DDR2: variants seen among roughly 807,000 people sequenced by gnomAD.
DDR2 encodes the protein discoidin domain-containing receptor 2.
DDR2 carries 27 observed loss-of-function variants against 94.9 expected under a neutral mutation model. The observed-to-expected ratio is 0.28, with a 90% CI of 0.21 to 0.39. The LOEUF is 0.39. DDR2 is among the 10% of genes least tolerant of loss of function. The pLI is 1.00. For missense variants in DDR2, 783 were observed against 1,076.0 expected (o/e 0.73, Z 3.81); for synonymous variants, 382 against 377.2 (o/e 1.01, Z -0.15).
chr1:162,646,558 G>T (rs1657417628), intron 1 of DDR2, among the ~76,000 whole-genome samples: 1 of 152,130 alleles, frequency 6.6e-6, no homozygotes, highest in Non-Finnish European at 1.5e-5. Flanking sequence ...AGCGGAATTT[G>T]AACCTATATC....
intron 2 of DDR2, among the ~76,000 whole-genome samples, 194 bp from the exon 3 acceptor site, chr1:162,718,843 T>C (rs189060753): frequency 6.6e-6 from 1 of 152,292 alleles, no homozygotes; most frequent in Admixed American, 6.5e-5. Flanking sequence ...AGTTTGAAAA[T>C]TATTATATTA....
At chr1:162,769,175 T>C (rs1664142527) in intron 11 of DDR2, among the ~76,000 whole-genome samples, 1 of 152,192 alleles carries the variant, frequency 6.6e-6, no homozygotes, top group Admixed American at 6.5e-5. Flanking sequence ...AATGTTGGAA[T>C]CTCCAGGTAA....
At chr1:162,677,981 G>C (rs773483809) in intron 2 of DDR2, among the ~76,000 whole-genome samples, 1 of 151,738 alleles carries the variant, frequency 6.6e-6, no homozygotes, top group Non-Finnish European at 1.5e-5. Context: ...TTTGTACAAG[G>C]GAAGCCATAA....
intron 2 of DDR2, among the ~76,000 whole-genome samples, chr1:162,704,503 T>C (rs1660575056): frequency 2.6e-5 from 4 of 152,204 alleles, no homozygotes; most frequent in Non-Finnish European, 5.9e-5. Flanking sequence ...CCAGTTACCT[T>C]ATAAACAACA....
intron 2 of DDR2, among the ~76,000 whole-genome samples, chr1:162,686,201 T>TA (rs35227599): frequency 2.1e-5 from 1 of 48,368 alleles, no homozygotes; most frequent in Non-Finnish European, 1.1e-4. Flanking sequence ...AATTTTTGTA[T>TA]TTTTTTTTTA....
intron 7 of DDR2, 61 bp downstream of exon 7, chr1:162,755,830 A>T: frequency 7.3e-7 from 1 of 1,365,880 alleles, no homozygotes; most frequent in Non-Finnish European, 1.0e-6. Context: ...ATAATATTTT[A>T]TCATGTCTTG....
At chr1:162,676,176 T>C (rs559835910) in intron 2 of DDR2, among the ~76,000 whole-genome samples, 1 of 151,974 alleles carries the variant, frequency 6.6e-6, no homozygotes, top group South Asian at 2.1e-4. Context: ...TCAAGAATGG[T>C]GTCTAACACT....
In DDR2 at chr1:162,781,249, G is replaced by A. The variant is rs1329616714; in HGVS notation, c.*1003G>A. 1.3e-5 allele frequency: 2 copies of A among 152,144 alleles called. No individual in the cohort carries two copies. The highest frequency in any genetic ancestry group is 2.9e-5 in the Non-Finnish European group (2 of 68,040). 9.4% of individuals were successfully genotyped at this position (152,144 alleles called of 1,614,324 possible). A position where few individuals can be genotyped will look rare whatever the true frequency, so the allele number is the denominator to read the frequency against. Reference sequence around the variant, plus strand: ...CATTTTCAAGGATGAAGCCTCTGTGGGATCTTTGGGCTTGGGGCTGAATTT... The same window carrying A: ...CATTTTCAAGGATGAAGCCTCTGTGAGATCTTTGGGCTTGGGGCTGAATTT... On this transcript the variant is annotated 3_prime_UTR_variant, in exon 18 of 18. Coordinates refer to ENST00000367921, the MANE Select transcript of DDR2 (RefSeq NM_006182.4).
chr1:162,763,915 C>T (rs988263436), intron 9 of DDR2, among the ~76,000 whole-genome samples: 1 of 152,108 alleles, frequency 6.6e-6, no homozygotes, highest in Non-Finnish European at 1.5e-5. Flanking sequence ...ACAGCATTTT[C>T]TTCATCCTAT....
At chr1:162,639,819 T>G (rs1034800634) in intron 1 of DDR2, among the ~76,000 whole-genome samples, 3 of 152,216 alleles carry the variant, frequency 2.0e-5, no homozygotes, top group Admixed American at 2.0e-4. Flanking sequence ...CTTCGAATTC[T>G]GAATTTCATT....
intron 11 of DDR2, 122 bp downstream of exon 11, chr1:162,767,481 A>G (rs1664055519): frequency 1.4e-6 from 2 of 1,405,422 alleles, no homozygotes; most frequent in Non-Finnish European, 2.0e-6. Flanking sequence ...AACTGAGGCT[A>G]CCAAGAAACA....
intron 2 of DDR2, among the ~76,000 whole-genome samples, chr1:162,715,701 G>A (rs1661135927): frequency 6.6e-6 from 1 of 152,198 alleles, no homozygotes; most frequent in Non-Finnish European, 1.5e-5. Context: ...AACCTGATTA[G>A]CTTTAACCTC....
chr1:162,681,145 T>C (rs1018770697), intron 2 of DDR2, among the ~76,000 whole-genome samples: 1 of 152,154 alleles, frequency 6.6e-6, no homozygotes, highest in Non-Finnish European at 1.5e-5. Flanking sequence ...ATCTGTTTTT[T>C]AGCTTTTATA....
chr1:162,686,562 G>T (rs186648351), intron 2 of DDR2, among the ~76,000 whole-genome samples: 3 of 152,260 alleles, frequency 2.0e-5, no homozygotes, highest in East Asian at 3.9e-4. Flanking sequence ...GTTTTTTATG[G>T]CTGCGTAGTA....
chr1:162,693,194 T>C (rs181206420), intron 2 of DDR2, among the ~76,000 whole-genome samples: 29 of 152,324 alleles, frequency 1.9e-4, no homozygotes, highest in Non-Finnish European at 1.8e-4. Flanking sequence ...GGGAGGGCTG[T>C]GTTGGGGGCT....
chr1:162,660,364 G>A (rs1419198558), intron 2 of DDR2, among the ~76,000 whole-genome samples: 1 of 131,072 alleles, frequency 7.6e-6, no homozygotes, highest in Non-Finnish European at 1.6e-5. Flanking sequence ...GGGACCCCCC[G>A]TACTTATGTT....
intron 2 of DDR2, among the ~76,000 whole-genome samples, chr1:162,708,815 T>C (rs1660767582): frequency 6.6e-6 from 1 of 152,188 alleles, no homozygotes; most frequent in Non-Finnish European, 1.5e-5. Flanking sequence ...CCTACACATA[T>C]TCTCTGAGTA....
intron 3 of DDR2, among the ~76,000 whole-genome samples, chr1:162,746,125 G>T (rs1172123462): frequency 6.6e-6 from 1 of 152,196 alleles, no homozygotes; most frequent in Non-Finnish European, 1.5e-5. Context: ...GGACTTGTCG[G>T]AAAGTGGGTG....
At chr1:162,696,637 C>A (rs1660206373) in intron 2 of DDR2, among the ~76,000 whole-genome samples, 1 of 152,026 alleles carries the variant, frequency 6.6e-6, no homozygotes, top group South Asian at 2.1e-4. Flanking sequence ...TGGACCAGCA[C>A]CTCACCAATC....
Sources: gnomAD v4.1 joint callset for allele counts (sites outside exome capture counted in the v4.1 genomes callset) on GRCh38, gnomAD v4.1.1 for gene constraint, MANE v1.5 for transcripts, NCBI Gene and HGNC (gene_info 2026-07-23, HGNC 2026-07-21) for gene names.